The following INPP4B variants were observed in gnomAD, a reference collection of about 807,000 sequenced individuals.
INPP4B encodes the protein inositol polyphosphate 4-phosphatase type II.
Under a neutral mutation model 122.5 loss-of-function variants are expected in INPP4B, and 55 were observed. The ratio of observed to expected loss-of-function variants is 0.45; its 90% confidence interval spans 0.36 to 0.56. The LOEUF is 0.56. Ranked by LOEUF, INPP4B falls within the 20% of genes least tolerant of loss-of-function variation. The probability of loss-of-function intolerance (pLI) is 0.00; values close to 1 mark genes in which losing one functional copy is unlikely to be tolerated. For synonymous variants in INPP4B, 403 were observed against 388.7 expected (o/e 1.04, Z -0.43); for missense variants, 1,000 against 1,097.7 (o/e 0.91, Z 1.26).
At chr4:142,140,043 T>G (rs912095213) in intron 18 of INPP4B, among the ~76,000 whole-genome samples, 5 of 152,122 alleles carry the variant, frequency 3.3e-5, no homozygotes, top group African/African-American at 1.2e-4. Flanking sequence ...TAGTGAATTA[T>G]CAGATCCCAG....
rs75931684 is a variant in INPP4B at position 142,426,789 on chromosome 4, T to C, written c.136+2384A>G. On this transcript the variant is annotated intron_variant, in intron 5 of 25. Transcript: ENST00000262992. ...AGCAATATGGCACCTAGCAAATTGA[T>C]TGGTGTGGCTGTTTTCCTAATTTAG... is the stretch of plus-strand genomic sequence containing the variant. 1.1e-3 allele frequency: 163 copies of C among 152,064 alleles called. 1 individual carries two copies. Among genetic ancestry groups the C allele is most frequent in the African/African-American group, 3.8e-3 (157 of 41,530 alleles). The allele number at this position is 152,064 out of a possible 1,614,324, so 9.4% of individuals were successfully genotyped here.
At chr4:142,104,516 G>C in intron 23 of INPP4B, among the ~76,000 whole-genome samples, 1 of 152,092 alleles carries the variant, frequency 6.6e-6, no homozygotes, top group East Asian at 1.9e-4. Flanking sequence ...GGGCCTGAGG[G>C]GAAGTAACTT....
chr4:142,706,966 G>A (rs1392019343), intron 2 of INPP4B, among the ~76,000 whole-genome samples: 1 of 152,188 alleles, frequency 6.6e-6, no homozygotes, highest in African/African-American at 2.4e-5. Context: ...AAATCTATGG[G>A]ATCTGTCTGG....
At chr4:142,643,265 G>T (rs1313575866) in intron 2 of INPP4B, among the ~76,000 whole-genome samples, 1 of 151,962 alleles carries the variant, frequency 6.6e-6, no homozygotes, top group Non-Finnish European at 1.5e-5. Flanking sequence ...GATGAATATT[G>T]TAAAAACTGT....
intron 1 of INPP4B, among the ~76,000 whole-genome samples, chr4:142,753,848 T>C (rs1048468219): frequency 2.0e-5 from 3 of 152,036 alleles, no homozygotes; most frequent in Non-Finnish European, 2.9e-5. Context: ...AAAGCTAGTA[T>C]ACTTATTACA....
chr4:142,470,738 T>A (rs1384730405), intron 2 of INPP4B, among the ~76,000 whole-genome samples: 2 of 152,234 alleles, frequency 1.3e-5, no homozygotes, highest in Non-Finnish European at 2.9e-5. Flanking sequence ...TAAATAAGTG[T>A]GACATTGGCT....
At chr4:142,295,513 T>C (rs924524137) in intron 9 of INPP4B, among the ~76,000 whole-genome samples, 15 of 152,212 alleles carry the variant, frequency 9.9e-5, no homozygotes, top group African/African-American at 3.6e-4. Context: ...GAAAAATACA[T>C]TTTTGTTGTT....
intron 2 of INPP4B, chr4:142,565,897 T>C (rs571181536): frequency 1.7e-4 from 26 of 152,306 alleles, no homozygotes; most frequent in African/African-American, 5.3e-4. Context: ...TGAATTTAAA[T>C]ATGAGAAAAC....
chr4:142,392,258 A>G (rs764509771), intron 7 of INPP4B, among the ~76,000 whole-genome samples: 11 of 152,198 alleles, frequency 7.2e-5, no homozygotes, highest in Non-Finnish European at 1.3e-4. Flanking sequence ...CCTTGATGTG[A>G]ACAGTTTTTC....
intron 9 of INPP4B, among the ~76,000 whole-genome samples, chr4:142,304,202 G>A (rs117417091): frequency 6.6e-6 from 1 of 152,182 alleles, no homozygotes; most frequent in East Asian, 1.9e-4. Flanking sequence ...CTAGAATGAT[G>A]ATATTTTCTA....
intron 2 of INPP4B, among the ~76,000 whole-genome samples, chr4:142,582,274 A>T (rs1735264759): frequency 6.6e-6 from 1 of 152,132 alleles, no homozygotes; most frequent in Admixed American, 6.6e-5. Context: ...TAGTTTTCAA[A>T]GGTCCAAGAG....
intron 2 of INPP4B, among the ~76,000 whole-genome samples, chr4:142,644,371 C>A (rs1751254825): frequency 6.6e-6 from 1 of 151,876 alleles, no homozygotes; most frequent in South Asian, 2.1e-4. Flanking sequence ...CTGTCAGGAT[C>A]ACTGTAGTCT....
chr4:142,707,797 T>C (rs540551195), intron 2 of INPP4B, among the ~76,000 whole-genome samples: 46 of 152,202 alleles, frequency 3.0e-4, no homozygotes, highest in Non-Finnish European at 4.4e-4. Context: ...GAACTGGGCA[T>C]TGCTATAAAG....
At chr4:142,580,563 T>G (rs1317418056) in intron 2 of INPP4B, among the ~76,000 whole-genome samples, 2 of 152,024 alleles carry the variant, frequency 1.3e-5, no homozygotes, top group South Asian at 4.1e-4. Context: ...TTAGTTCTAC[T>G]CAGAAAAATG....
intron 15 of INPP4B, among the ~76,000 whole-genome samples, chr4:142,191,017 A>G (rs1579232629): frequency 7.2e-6 from 1 of 138,664 alleles, no homozygotes; most frequent in Non-Finnish European, 1.5e-5. Flanking sequence ...TTAATTGAGG[A>G]AAAAAAATAG....
chr4:142,071,561 G>A (rs141123393), intron 25 of INPP4B, among the ~76,000 whole-genome samples: 3,777 of 152,160 alleles, frequency 0.025, 174 homozygotes, highest in African/African-American at 0.087. Flanking sequence ...CCTACAGAAT[G>A]GGAGAAAATT....
chr4:142,558,832 A>ATTT (rs146728047), intron 2 of INPP4B, among the ~76,000 whole-genome samples: 3,845 of 143,238 alleles, frequency 0.027, 178 homozygotes, highest in African/African-American at 0.094. Flanking sequence ...AAGAAGCTCA[A>ATTT]TTTTTTGAAG....
At chr4:142,387,947 AC>A (rs1796481969) in intron 7 of INPP4B, among the ~76,000 whole-genome samples, 1 of 152,186 alleles carries the variant, frequency 6.6e-6, no homozygotes, top group African/African-American at 2.4e-5. Flanking sequence ...CTGTGCTCTT[AC>A]CACAGCAGCC....
intron 2 of INPP4B, among the ~76,000 whole-genome samples, chr4:142,570,040 G>A (rs916098191): frequency 1.3e-5 from 2 of 152,096 alleles, no homozygotes; most frequent in African/African-American, 2.4e-5. Flanking sequence ...GCAGGAAGTA[G>A]AGAATAAACA....
Sources: allele counts gnomAD v4.1 joint callset (sites outside exome capture counted in the v4.1 genomes callset), GRCh38; gene constraint gnomAD v4.1.1; transcripts MANE v1.5; gene names NCBI Gene and HGNC (gene_info 2026-07-23, HGNC 2026-07-21).